Variants in UNC79 observed in about 807,000 individuals in gnomAD.
UNC79 encodes unc-79 subunit of NALCN channel complex.
Under a neutral mutation model 283.1 loss-of-function variants are expected in UNC79, and 37 were observed. That is an observed-to-expected ratio of 0.13 (90% CI 0.10 to 0.17). The LOEUF is 0.17. Among genes scored for constraint, UNC79 ranks in the 10% least tolerant of loss-of-function variants. The probability of loss-of-function intolerance (pLI) is 1.00; values close to 1 mark genes in which losing one functional copy is unlikely to be tolerated. For missense variants in UNC79, 2,272 were observed against 3,211.1 expected (o/e 0.71, Z 7.07); for synonymous variants, 1,107 against 1,200.2 (o/e 0.92, Z 1.61).
chr14:93,667,814 T>G (rs2072383158), intron 40 of UNC79, among the ~76,000 whole-genome samples: 1 of 152,178 alleles, frequency 6.6e-6, no homozygotes, highest in Non-Finnish European at 1.5e-5. Context: ...AAATAGGGCC[T>G]CTTGACAGAG....
At chr14:93,572,733 A>G (rs766686330) in exon 16 of UNC79, 30 of 1,613,996 alleles carry the variant, frequency 1.9e-5, no homozygotes, top group East Asian at 1.6e-4. Flanking sequence ...GCCTTTCTCA[A>G]TGGAGGAGAT....
chr14:93,648,712 G>T (rs189018967), intron 35 of UNC79, among the ~76,000 whole-genome samples: 1 of 152,078 alleles, frequency 6.6e-6, no homozygotes, highest in Admixed American at 6.6e-5. Flanking sequence ...CTTAAGAAGT[G>T]ATGTTTAAAC....
intron 5 of UNC79, 94 bp downstream of exon 5, chr14:93,487,849 C>T: frequency 1.7e-6 from 2 of 1,174,260 alleles, no homozygotes; most frequent in Non-Finnish European, 2.4e-6. Flanking sequence ...GTGAGAACGT[C>T]ATCATCATAG....
At chr14:93,611,466 A>G (rs1396711264) in intron 26 of UNC79, among the ~76,000 whole-genome samples, 2 of 152,226 alleles carry the variant, frequency 1.3e-5, no homozygotes, top group African/African-American at 2.4e-5. Flanking sequence ...GCAGGTCTGA[A>G]CTGGTAAATT....
At chr14:93,417,390 C>A (rs1023487435) in intron 1 of UNC79, among the ~76,000 whole-genome samples, 25 of 152,270 alleles carry the variant, frequency 1.6e-4, no homozygotes, top group Admixed American at 4.6e-4. Flanking sequence ...CCGAGAGATC[C>A]GCTGTTAGTC....
intron 1 of UNC79, among the ~76,000 whole-genome samples, chr14:93,347,692 G>A (rs941710280): frequency 3.9e-4 from 59 of 152,248 alleles, no homozygotes; most frequent in Non-Finnish European, 2.6e-4. Context: ...GCTCGGGGGC[G>A]GGGCTGTGGT....
intron 1 of UNC79, among the ~76,000 whole-genome samples, chr14:93,334,238 C>T (rs72708590): frequency 0.043 from 6,512 of 152,262 alleles, 248 homozygotes; most frequent in Admixed American, 0.12. Flanking sequence ...TTGTATTTTC[C>T]TCACCCTCAT....
rs144468459 is a variant in UNC79 at position 93,451,786 on chromosome 14, A to G, written c.23-15885A>G. On this transcript the variant is annotated intron_variant, in intron 1 of 48. Coordinates refer to ENST00000555664, the Ensembl canonical transcript of UNC79. ...TTTTGAGAAGCCTGAAATGCACACT[A>G]GTTGGTTCTTGGCTTTGGAATCAGT... Among the ~76,000 whole-genome samples, 328 of 152,186 alleles carry G rather than the reference A, an allele frequency of 2.2e-3. 2 individuals carry two copies. Among genetic ancestry groups the G allele is most frequent in the African/African-American group, 7.4e-3 (308 of 41,530 alleles).
intron 4 of UNC79, among the ~76,000 whole-genome samples, chr14:93,478,829 TG>T (rs2057951121): frequency 1.3e-5 from 2 of 152,352 alleles, no homozygotes; most frequent in Admixed American, 1.3e-4. Context: ...TTAAAGTTGT[TG>T]CTCTGTAATA....
intron 47 of UNC79, among the ~76,000 whole-genome samples, chr14:93,700,514 C>T (rs1011270107): frequency 1.3e-5 from 2 of 151,832 alleles, no homozygotes; most frequent in Non-Finnish European, 2.9e-5. Context: ...TCTCCTCATT[C>T]GTGTGTTTCT....
At chr14:93,360,440 T>C (rs1271931981) in intron 1 of UNC79, among the ~76,000 whole-genome samples, 1 of 152,148 alleles carries the variant, frequency 6.6e-6, no homozygotes, top group Non-Finnish European at 1.5e-5. Flanking sequence ...TATCGTAAGT[T>C]TAACCAAGTG....
At chr14:93,703,361 A>G (rs2141077167) in intron 47 of UNC79, among the ~76,000 whole-genome samples, 1 of 152,300 alleles carries the variant, frequency 6.6e-6, no homozygotes, top group South Asian at 2.1e-4. Flanking sequence ...GATTGGAGAG[A>G]GAATTTGTTC....
chr14:93,644,675 G>A (rs1250609560), intron 34 of UNC79, among the ~76,000 whole-genome samples: 2 of 152,154 alleles, frequency 1.3e-5, no homozygotes, highest in African/African-American at 4.8e-5. Context: ...CAAACTCTTG[G>A]CATTTGAGGA....
chr14:93,467,627 CCTTTTTTTTTT>C, intron 1 of UNC79, 33 bp from the exon 2 acceptor site: 1 of 828,960 alleles, frequency 1.2e-6, no homozygotes, highest in Non-Finnish European at 1.4e-6. Context: ...TTTTCTTCTT[CCTTTTTTTTTT>C]TTTTTTTTTT....
rs1286672437 is a variant in UNC79 at position 93,586,901 on chromosome 14, A to C, written c.3025A>C (p.Ile1009Leu). ...AGCCTACATTCAGGACCACATGTTG[A>C]TTGCAAGGTACGTCTTCCTAATGGT... Residue 1009 changes from isoleucine (I) to leucine (L), a missense_variant, in exon 22 of 49, where the codon ATT (isoleucine) becomes CTT (leucine). By Grantham distance (5) the Ile-to-Leu change is conservative (BLOSUM62 2). Coordinates refer to ENST00000555664, the Ensembl canonical transcript of UNC79. The C allele has an allele frequency of 2.5e-6, 4 of 1,613,612 alleles. No individual in the cohort carries two copies. The South Asian group carries it at 4.4e-5, about 18-fold the overall frequency.
intron 1 of UNC79, among the ~76,000 whole-genome samples, chr14:93,399,102 A>G (rs1376288365): frequency 6.6e-6 from 1 of 152,140 alleles, no homozygotes; most frequent in African/African-American, 2.4e-5. Context: ...GTGAAGGAGG[A>G]ACTGTCAAAC....
chr14:93,521,477 C>T (rs1438225041), intron 7 of UNC79, among the ~76,000 whole-genome samples: 2 of 151,858 alleles, frequency 1.3e-5, no homozygotes, highest in African/African-American at 2.4e-5. Flanking sequence ...TTTGTCCCCT[C>T]AACTAAAAAC....
At position 93,688,275 on chromosome 14, in the gene UNC79, G is replaced by T. The variant is rs1009556807; in HGVS notation, c.6910-390G>T. Among the ~76,000 whole-genome samples, 1 of 152,144 alleles carries T rather than the reference G, an allele frequency of 6.6e-6. No individual in the cohort carries two copies. The highest frequency in any genetic ancestry group is 1.9e-4 in the East Asian group (1 of 5,192). On this transcript the variant is annotated intron_variant, in intron 43 of 48. Coordinates refer to ENST00000555664, the Ensembl canonical transcript of UNC79. The surrounding 1 kb of genome is among the most constrained non-coding windows in gnomAD (Gnocchi z 4.0). ...AATTGCTATGAAAAAGAGGCAGAAG[G>T]CAGCACGGACCTGGCCGGGGAGGTC...
chr14:93,701,758 G>A (rs984434591), intron 47 of UNC79, among the ~76,000 whole-genome samples: 3 of 152,218 alleles, frequency 2.0e-5, no homozygotes, highest in African/African-American at 7.2e-5. Context: ...GATACATTTA[G>A]TCACGTGATT....
Sources: allele counts gnomAD v4.1 joint callset (sites outside exome capture counted in the v4.1 genomes callset), GRCh38; gene constraint gnomAD v4.1.1; non-coding constraint Gnocchi (gnomAD v3.1); transcripts MANE v1.5; gene names NCBI Gene and HGNC (gene_info 2026-07-23, HGNC 2026-07-21).